Variants in SKOR2 observed in about 807,000 individuals in gnomAD.
SKOR2 encodes the protein SKI family transcriptional corepressor 2, also known as LBX1 corepressor 1-like protein.
In SKOR2, 47 loss-of-function variants were observed where a neutral mutation model predicts 69.1. The ratio of observed to expected loss-of-function variants is 0.68; its 90% confidence interval spans 0.54 to 0.87. The LOEUF is 0.87. SKOR2 is among the 40% of genes least tolerant of loss of function. The probability of loss-of-function intolerance (pLI) is 0.00; values close to 1 mark genes in which losing one functional copy is unlikely to be tolerated. For missense variants in SKOR2, 1,404 were observed against 1,472.2 expected, an observed-to-expected ratio of 0.95 and a Z score of 0.76; for synonymous variants, 717 against 672.6, an observed-to-expected ratio of 1.07 and a Z score of -1.02.
Position 47,232,873 on chromosome 18 carries a change from C to T in SKOR2, c.2753-1873G>A, listed in dbSNP as rs966415322. Among the ~76,000 whole-genome samples the T allele has an allele frequency of 1.5e-4, 23 of 152,230 alleles. No homozygotes were observed. The East Asian group carries it at 2.1e-3, about 14-fold the overall frequency. On this transcript the variant is annotated intron_variant, in intron 4 of 8. Transcript: ENST00000425639. ...ATGGCCCTGGGCACTTGTAGAAGTA[C>T]GGGGAGATTTCTTTGCTGAGGTAAA...
intron 6 of SKOR2, among the ~76,000 whole-genome samples, chr18:47,227,647 G>A (rs1568085923): frequency 6.6e-6 from 1 of 152,108 alleles, no homozygotes; most frequent in Non-Finnish European, 1.5e-5. Context: ...CAAAAATTTG[G>A]ACCCAAGTTT....
At chr18:47,215,341 T>C (rs1471506795) in intron 7 of SKOR2, among the ~76,000 whole-genome samples, 7 of 152,086 alleles carry the variant, frequency 4.6e-5, no homozygotes, top group Admixed American at 4.6e-4. Context: ...TAATGCAAAA[T>C]AGTAATGGTC....
At chr18:47,243,222 G>T (rs878972357) in intron 4 of SKOR2, among the ~76,000 whole-genome samples, 1 of 152,162 alleles carries the variant, frequency 6.6e-6, no homozygotes, top group African/African-American at 2.4e-5. Context: ...CAGCTGAAAC[G>T]GCCGGAGGTG....
intron 7 of SKOR2, 132 bp downstream of exon 7, chr18:47,219,811 G>T: frequency 1.4e-6 from 1 of 707,234 alleles, no homozygotes; most frequent in South Asian, 1.8e-5. Flanking sequence ...TTGGTAATTA[G>T]CATCTAAGCC....
At chr18:47,230,106 G>A (rs2064192072) in intron 6 of SKOR2, among the ~76,000 whole-genome samples, 1 of 152,000 alleles carries the variant, frequency 6.6e-6, no homozygotes, top group South Asian at 2.1e-4. Flanking sequence ...TTTAGAGAAT[G>A]TAAATACAAA....
intron 8 of SKOR2, among the ~76,000 whole-genome samples, chr18:47,211,209 G>A (rs72911215): frequency 0.012 from 1,832 of 152,250 alleles, 21 homozygotes; most frequent in Non-Finnish European, 0.019. Flanking sequence ...CCAGAGGGGA[G>A]GAGTGGGAAG....
intron 4 of SKOR2, among the ~76,000 whole-genome samples, chr18:47,240,235 G>T (rs1346283402): frequency 6.6e-6 from 1 of 152,098 alleles, no homozygotes; most frequent in Non-Finnish European, 1.5e-5. Context: ...TGAAAAGTGG[G>T]GATGACTCCA....
In SKOR2 at chr18:47,230,528, T is replaced by C; in HGVS notation, c.2848A>G (p.Ile950Val). ...TGTTCCAGTCGTCTCCGTAAATCTA[T>C]TTGTTCAAATAAAACCTTCTGAAGT... The part of the protein sequence containing the change: ...EELQKVLFEQ[I>V]DLRRRLEQEF... Residue 950 changes from isoleucine (I) to valine (V), a missense_variant, in exon 6 of 9, where the codon ATA becomes GTA. Around this residue, in one of 3 missense-constraint regions of SKOR2, gnomAD observed 1,266 missense variants for 1,309.9 expected, o/e 0.97. Transcript: ENST00000425639. 6.9e-7 allele frequency: 1 copy of C among 1,440,650 alleles called. No homozygotes were observed. Among genetic ancestry groups the C allele is most frequent in the Non-Finnish European group, 9.1e-7 (1 of 1,103,950 alleles). 89.2% of individuals were successfully genotyped at this position (1,440,650 alleles called of 1,614,324 possible).
At chr18:47,235,109 A>C (rs1385778863) in intron 4 of SKOR2, among the ~76,000 whole-genome samples, 3 of 152,112 alleles carry the variant, frequency 2.0e-5, no homozygotes, top group African/African-American at 4.8e-5. Flanking sequence ...TCACACCTGT[A>C]ATCCCAGAAC....
At chr18:47,227,322 GC>G in intron 6 of SKOR2, among the ~76,000 whole-genome samples, 1 of 140,306 alleles carries the variant, frequency 7.1e-6, no homozygotes, top group African/African-American at 2.7e-5. Context: ...ACGACAAGAA[GC>G]CAATTTTTTT....
intron 6 of SKOR2, among the ~76,000 whole-genome samples, chr18:47,225,188 A>G (rs1322137643): frequency 6.6e-6 from 1 of 152,200 alleles, no homozygotes; most frequent in Non-Finnish European, 1.5e-5. Flanking sequence ...AGTAATTTGG[A>G]AGAGCAATTT....
intron 4 of SKOR2, among the ~76,000 whole-genome samples, chr18:47,231,615 G>A (rs1214235177): frequency 6.6e-6 from 1 of 152,064 alleles, no homozygotes; most frequent in Non-Finnish European, 1.5e-5. Flanking sequence ...ATGCCGAGGC[G>A]GGCAGATCAC....
chr18:47,230,287 T>C (rs2064192759), intron 6 of SKOR2, among the ~76,000 whole-genome samples, 172 bp downstream of exon 6: 1 of 152,122 alleles, frequency 6.6e-6, no homozygotes, highest in Admixed American at 6.5e-5. Flanking sequence ...ATTTTATCTG[T>C]GAGTCAATTC....
chr18:47,206,909 G>A lies in SKOR2; in HGVS notation c.*4-17C>T, dbSNP rs746956950. ...TCTGTGCACCTGGGATAAGACAAAA[G>A]CATAGAATGACAAGCTGAACCTAAT... On this transcript the variant is annotated splice_polypyrimidine_tract_variant and intron_variant, in intron 8 of 8. Coordinates refer to ENST00000425639, the MANE Select transcript of SKOR2 (RefSeq NM_001278063.4). 1 of 152,176 alleles carries A rather than the reference G, an allele frequency of 6.6e-6. No individual in the cohort carries two copies. 9.4% of individuals were successfully genotyped at this position (152,176 alleles called of 1,614,324 possible). A position where few individuals can be genotyped will look rare whatever the true frequency, so the allele number is the denominator to read the frequency against.
rs1388887175 is a variant in SKOR2 at position 47,247,128 on chromosome 18, G to T, written c.2056C>A (p.Pro686Thr). 1 of 1,284,984 alleles carries T rather than the reference G, an allele frequency of 7.8e-7. No homozygotes were observed. Among genetic ancestry groups the T allele is most frequent in the Admixed American group, 4.1e-5 (1 of 24,232 alleles). The allele number at this position is 1,284,984 out of a possible 1,614,324, so 79.6% of individuals were successfully genotyped here. Residue 686 changes from proline (P) to threonine (T), a missense_variant, in exon 2 of 9, where the codon CCG (proline) becomes ACG (threonine). Pro to Thr is a conservative substitution (Grantham distance 38). Coordinates refer to ENST00000425639, the MANE Select transcript of SKOR2 (RefSeq NM_001278063.4). This position sits in a 1 kb window ranked among gnomAD's most constrained non-coding sequence, Gnocchi z 6.6. ...LLLLPPQPDE[P>T]GSERHHPAPP... ...GCCGGGTGGTGGCGCTCGGAACCCG[G>T]CTCGTCGGGCTGCGGGGGCAGCAGC...
intron 4 of SKOR2, among the ~76,000 whole-genome samples, chr18:47,240,784 C>T (rs980425404): frequency 6.6e-6 from 1 of 152,074 alleles, no homozygotes; most frequent in Non-Finnish European, 1.5e-5. Context: ...AGGTCTATAT[C>T]TTTGTTCAGA....
chr18:47,227,001 C>T (rs1200880427), intron 6 of SKOR2, among the ~76,000 whole-genome samples: 2 of 152,152 alleles, frequency 1.3e-5, no homozygotes, highest in Non-Finnish European at 2.9e-5. Context: ...TTTCTCCTCC[C>T]CAGATTTCCC....
chr18:47,231,016 GA>G lies in SKOR2; in HGVS notation c.2753-17del. Reference sequence around the variant, plus strand: ...GTATGTTCACCTTTTAAAAAAGCAGGAAAAATACTATTAGTTTTGTGTAGGC... The same window carrying G: ...GTATGTTCACCTTTTAAAAAAGCAGGAAAATACTATTAGTTTTGTGTAGGC... On this transcript the variant is annotated splice_polypyrimidine_tract_variant and intron_variant, in intron 4 of 8. Transcript: ENST00000425639. 11 of 1,535,878 alleles carry G rather than the reference GA, an allele frequency of 7.2e-6. No individual in the cohort carries two copies. The highest frequency in any genetic ancestry group is 7.8e-6 in the Non-Finnish European group (9 of 1,146,784).
intron 6 of SKOR2, among the ~76,000 whole-genome samples, chr18:47,223,570 A>G (rs1224687059): frequency 6.6e-6 from 1 of 152,242 alleles, no homozygotes; most frequent in African/African-American, 2.4e-5. Context: ...AAACTTGGAC[A>G]AACCTTAATG....
Sources: gnomAD v4.1 joint callset for allele counts (sites outside exome capture counted in the v4.1 genomes callset) on GRCh38, gnomAD v4.1.1 for gene constraint, gnomAD v4.1.1 regional missense constraint, Gnocchi (gnomAD v3.1) non-coding constraint, MANE v1.5 for transcripts, NCBI Gene and HGNC (gene_info 2026-07-23, HGNC 2026-07-21) for gene names.